MRTFB: variants seen among roughly 807,000 people sequenced by gnomAD.
MRTFB encodes myocardin related transcription factor B.
In MRTFB, 29 loss-of-function variants were observed where a neutral mutation model predicts 104.2. The ratio of observed to expected loss-of-function variants is 0.28; its 90% CI spans 0.21 to 0.38. The LOEUF is 0.38. Among genes scored for constraint, MRTFB ranks in the 10% least tolerant of loss-of-function variants. The pLI, the probability that MRTFB is intolerant of heterozygous loss-of-function variation, is 1.00. For synonymous variants in MRTFB, 535 were observed against 519.5 expected (o/e 1.03, Z -0.41); for missense variants, 1,270 against 1,341.6 (o/e 0.95, Z 0.83).
At chr16:14,197,478 A>G (rs1483927170) in intron 3 of MRTFB, among the ~76,000 whole-genome samples, 3 of 152,148 alleles carry the variant, frequency 2.0e-5, no homozygotes, top group East Asian at 1.9e-4. Context: ...AAATTCCCGC[A>G]ATGAAGTGAA....
intron 2 of MRTFB, among the ~76,000 whole-genome samples, chr16:14,124,807 T>A (rs2037028269): frequency 6.6e-6 from 1 of 152,262 alleles, no homozygotes; most frequent in Non-Finnish European, 1.5e-5. Flanking sequence ...TCTCTCTTTT[T>A]CTGTTGTTTG....
intron 2 of MRTFB, among the ~76,000 whole-genome samples, chr16:14,133,083 T>C (rs2037520730): frequency 6.6e-6 from 1 of 152,242 alleles, no homozygotes; most frequent in Non-Finnish European, 1.5e-5. Flanking sequence ...TTGTAAAATA[T>C]AGATGCATTC....
At chr16:14,091,937 G>A (rs546283462) in intron 2 of MRTFB, among the ~76,000 whole-genome samples, 2 of 140,602 alleles carry the variant, frequency 1.4e-5, no homozygotes, top group African/African-American at 5.1e-5. Context: ...GGAGGTTGCA[G>A]TGAGCCGAGA....
At chr16:14,244,331 G>C (rs2042922114) in intron 10 of MRTFB, among the ~76,000 whole-genome samples, 2 of 152,134 alleles carry the variant, frequency 1.3e-5, no homozygotes, top group Non-Finnish European at 2.9e-5. Flanking sequence ...GGGGCTATTA[G>C]GAATAACCCC....
At chr16:14,156,318 A>T (rs1482829342) in intron 3 of MRTFB, among the ~76,000 whole-genome samples, 1 of 152,240 alleles carries the variant, frequency 6.6e-6, no homozygotes, top group Non-Finnish European at 1.5e-5. Flanking sequence ...CTCTCAGTAC[A>T]TATGGATGAA....
chr16:14,192,353 G>A (rs2040224549), intron 3 of MRTFB, among the ~76,000 whole-genome samples: 1 of 152,006 alleles, frequency 6.6e-6, no homozygotes, highest in Non-Finnish European at 1.5e-5. Context: ...CAGCCTGGGC[G>A]ACAGAACAAG....
the MRTFB span, among the ~76,000 whole-genome samples, chr16:14,042,552 A>C: frequency 6.6e-6 from 1 of 152,194 alleles, no homozygotes; most frequent in African/African-American, 2.4e-5. Flanking sequence ...TGGTTCTGGG[A>C]AGTTAAATCA....
the MRTFB span, chr16:14,020,344 A>G: frequency 6.6e-6 from 1 of 152,194 alleles, no homozygotes. Flanking sequence ...CTTGTCGTGT[A>G]GTCTTTCATT....
At chr16:14,211,848 C>A (rs1383723190) in intron 4 of MRTFB, among the ~76,000 whole-genome samples, 1 of 152,174 alleles carries the variant, frequency 6.6e-6, no homozygotes, top group East Asian at 1.9e-4. Context: ...GAGCCTTTCA[C>A]CTCCTTGCAA....
At chr16:14,206,811 A>G (rs1238726919) in intron 3 of MRTFB, among the ~76,000 whole-genome samples, 3 of 152,048 alleles carry the variant, frequency 2.0e-5, no homozygotes, top group East Asian at 1.9e-4. Flanking sequence ...CTCCCAAAGT[A>G]TAATTGTGTT....
At chr16:14,199,552 A>G (rs1449135045) in intron 3 of MRTFB, among the ~76,000 whole-genome samples, 1 of 152,166 alleles carries the variant, frequency 6.6e-6, no homozygotes, top group East Asian at 1.9e-4. Flanking sequence ...TAAATGGTCT[A>G]CCCAGGTGCT....
intron 10 of MRTFB, among the ~76,000 whole-genome samples, chr16:14,243,877 T>TTTTTTTTTTTTTTTTTTTTTTTTTTG (rs2042894087): frequency 6.8e-6 from 1 of 147,640 alleles, no homozygotes; most frequent in Admixed American, 6.6e-5. Context: ...TTTTTTTTTT[T>TTTTTTTTTTTTTTTTTTTTTTTTTTG]GAGACAGAGT....
At chr16:14,034,714 C>G in the MRTFB span, among the ~76,000 whole-genome samples, 1 of 152,022 alleles carries the variant, frequency 6.6e-6, no homozygotes, top group Admixed American at 6.6e-5. Flanking sequence ...CTCCAAAACA[C>G]CAGTATTATT....
chr16:14,207,100 C>T (rs141289286), intron 3 of MRTFB, among the ~76,000 whole-genome samples: 15 of 152,196 alleles, frequency 9.9e-5, no homozygotes, highest in African/African-American at 3.6e-4. Context: ...AGTACCCAGA[C>T]ACCTAACAGA....
At chr16:14,146,040 T>C (rs954306736) in intron 3 of MRTFB, among the ~76,000 whole-genome samples, 3 of 152,216 alleles carry the variant, frequency 2.0e-5, no homozygotes, top group Non-Finnish European at 2.9e-5. Flanking sequence ...CTGGTGAATT[T>C]AAGGTTTTAA....
chr16:14,002,522 C>T, the MRTFB span, among the ~76,000 whole-genome samples: 16 of 152,296 alleles, frequency 1.1e-4, no homozygotes, highest in African/African-American at 3.8e-4. Context: ...GATTCTGCTG[C>T]GTTGAATGCT....
Position 14,167,138 on chromosome 16 carries a change from C to T in MRTFB, c.154+26378C>T, listed in dbSNP as rs141329178. Among the ~76,000 whole-genome samples the T allele has an allele frequency of 3.7e-3, 567 of 152,262 alleles. 3 individuals carry two copies. Among genetic ancestry groups the T allele is most frequent in the African/African-American group, 0.013 (535 of 41,550 alleles). ...TACATTCCCACCAACAGTGTAAAAG[C>T]GTTCCTATTTCTCCGCAGCCTTACC... On this transcript the variant is annotated intron_variant, in intron 3 of 16. Coordinates refer to ENST00000571589, the MANE Select transcript of MRTFB (RefSeq NM_001308142.2).
chr16:14,067,619 T>A (rs185185230), upstream of MRTFB, among the ~76,000 whole-genome samples: 3 of 152,150 alleles, frequency 2.0e-5, no homozygotes, highest in African/African-American at 7.2e-5. Context: ...CCAAGTCATA[T>A]CTTTAAAAAT....
chr16:14,206,910 T>C (rs971123463), intron 3 of MRTFB, among the ~76,000 whole-genome samples: 2 of 151,612 alleles, frequency 1.3e-5, no homozygotes, highest in African/African-American at 4.9e-5. Context: ...AGTGTCCACC[T>C]ATGGGTGCAG....
Sources: allele counts gnomAD v4.1 joint callset (sites outside exome capture counted in the v4.1 genomes callset), GRCh38; gene constraint gnomAD v4.1.1; transcripts MANE v1.5; gene names NCBI Gene and HGNC (gene_info 2026-07-23, HGNC 2026-07-21).